Variants in FOXP2 observed in about 807,000 individuals in gnomAD.
FOXP2 encodes the protein forkhead box P2, also known as forkhead box protein P2.
In FOXP2, 12 loss-of-function variants were observed where a neutral mutation model predicts 115.8. That is an observed-to-expected ratio of 0.10 (90% CI 0.07 to 0.17). The LOEUF (loss-of-function observed/expected upper bound fraction) is 0.17. Among genes scored for constraint, FOXP2 ranks in the 10% least tolerant of loss-of-function variants. The probability of loss-of-function intolerance (pLI) is 1.00; values close to 1 mark genes in which losing one functional copy is unlikely to be tolerated. For synonymous variants in FOXP2, 328 were observed against 297.7 expected (o/e 1.10, Z -1.05); for missense variants, 629 against 843.5 (o/e 0.75, Z 3.15).
intron 2 of FOXP2, among the ~76,000 whole-genome samples, chr7:114,458,470 A>G (rs1257570609): frequency 1.3e-5 from 2 of 151,348 alleles, no homozygotes; most frequent in East Asian, 1.9e-4. Flanking sequence ...TTAAGAGCCA[A>G]TTATTGTAGT....
chr7:114,239,866 A>G (rs1795108221), intron 1 of FOXP2, among the ~76,000 whole-genome samples: 1 of 152,192 alleles, frequency 6.6e-6, no homozygotes, highest in Admixed American at 6.5e-5. Context: ...ACACACACAC[A>G]CAAATGTATT....
At chr7:114,505,691 A>G (rs1797778598) in intron 2 of FOXP2, among the ~76,000 whole-genome samples, 1 of 151,552 alleles carries the variant, frequency 6.6e-6, no homozygotes, top group Non-Finnish European at 1.5e-5. Context: ...CCATTTTTAA[A>G]ACCACGTCAT....
intron 3 of FOXP2, among the ~76,000 whole-genome samples, chr7:114,606,976 T>C (rs1363164303): frequency 6.6e-6 from 1 of 152,218 alleles, no homozygotes; most frequent in Non-Finnish European, 1.5e-5. Context: ...TTAGCATTAC[T>C]AGTGACACTT....
At chr7:114,387,889 C>A (rs1437033547) in intron 2 of FOXP2, among the ~76,000 whole-genome samples, 1 of 152,042 alleles carries the variant, frequency 6.6e-6, no homozygotes, top group Non-Finnish European at 1.5e-5. Context: ...CCTATCAGAA[C>A]AATAAAAGAT....
chr7:114,336,085 C>T (rs959663298), intron 2 of FOXP2, among the ~76,000 whole-genome samples: 12 of 151,644 alleles, frequency 7.9e-5, no homozygotes, highest in African/African-American at 2.2e-4. Context: ...TGATGCCCCT[C>T]TAGTGATGTT....
chr7:114,299,394 T>C (rs1190601746), intron 2 of FOXP2, among the ~76,000 whole-genome samples: 1 of 152,018 alleles, frequency 6.6e-6, no homozygotes, highest in Non-Finnish European at 1.5e-5. Flanking sequence ...ATATACTTCA[T>C]GGGAAACTGA....
chr7:114,650,195 A>G (rs1417131335), intron 8 of FOXP2, among the ~76,000 whole-genome samples: 1 of 152,104 alleles, frequency 6.6e-6, no homozygotes, highest in African/African-American at 2.4e-5. Flanking sequence ...CTTTAAATAT[A>G]AGATCATGAT....
At chr7:114,622,897 T>C (rs1025363636) in intron 3 of FOXP2, among the ~76,000 whole-genome samples, 4 of 151,902 alleles carry the variant, frequency 2.6e-5, no homozygotes, top group African/African-American at 9.7e-5. Flanking sequence ...CTGAGAAAGA[T>C]CTTAATTCTA....
intron 1 of FOXP2, among the ~76,000 whole-genome samples, chr7:114,257,220 G>T (rs896991794): frequency 1.3e-5 from 2 of 152,118 alleles, no homozygotes; most frequent in Non-Finnish European, 2.9e-5. Context: ...AATAAATGGT[G>T]CTGGGAGAAC....
At chr7:114,661,923 A>G (rs988929448) in intron 13 of FOXP2, 142 bp from the exon 14 acceptor site, 18 of 1,045,450 alleles carry the variant, frequency 1.7e-5, no homozygotes, top group Non-Finnish European at 2.5e-5. Flanking sequence ...GGTTTGTAAT[A>G]TCATGCCATA....
chr7:114,247,220 G>C (rs894909822), intron 1 of FOXP2, among the ~76,000 whole-genome samples: 4 of 151,998 alleles, frequency 2.6e-5, no homozygotes, highest in African/African-American at 9.7e-5. Flanking sequence ...CTTATTATAC[G>C]TTCTTTATCT....
intron 2 of FOXP2, among the ~76,000 whole-genome samples, chr7:114,476,663 G>A (rs1244443456): frequency 6.6e-6 from 1 of 151,858 alleles, no homozygotes; most frequent in Non-Finnish European, 1.5e-5. Flanking sequence ...CAAGAATGAT[G>A]TTGGTAATTG....
chr7:114,303,253 T>C (rs142894610), intron 2 of FOXP2, among the ~76,000 whole-genome samples: 26 of 152,358 alleles, frequency 1.7e-4, no homozygotes, highest in African/African-American at 6.0e-4. Flanking sequence ...AAAATTGAGC[T>C]GTTTGGAATT....
intron 3 of FOXP2, among the ~76,000 whole-genome samples, chr7:114,542,348 T>A (rs1209958971): frequency 2.0e-5 from 3 of 152,192 alleles, no homozygotes; most frequent in African/African-American, 7.2e-5. Flanking sequence ...ACCGTGCCCA[T>A]TCTTACAATC....
chr7:114,605,131 G>A lies in FOXP2; in HGVS notation c.259-23409G>A, dbSNP rs1803242192. 2.0e-5 allele frequency among the ~76,000 whole-genome samples: 3 copies of A among 152,148 alleles called. 1 individual carries two copies. The South Asian group carries it at 6.2e-4, about 32-fold the overall frequency. On this transcript the variant is annotated intron_variant, in intron 3 of 16. Transcript: ENST00000350908. The stretch of plus-strand genomic sequence containing the variant: ...TGTCAAGAACTCAGAGTCAAATTAA[G>A]TGTAATTACAATGCAGGATGGAAGT...
At chr7:114,299,326 T>C (rs2129178026) in intron 2 of FOXP2, among the ~76,000 whole-genome samples, 1 of 152,148 alleles carries the variant, frequency 6.6e-6, no homozygotes, top group South Asian at 2.1e-4. Context: ...TTCTTCTCTT[T>C]TTTCTTTGCT....
intron 2 of FOXP2, among the ~76,000 whole-genome samples, chr7:114,357,024 C>G (rs975456190): frequency 7.2e-5 from 11 of 152,120 alleles, no homozygotes; most frequent in African/African-American, 2.7e-4. Context: ...TTGATCACAG[C>G]TTTTAGAATT....
chr7:114,173,300 T>C (rs1053901221), intron 1 of FOXP2, among the ~76,000 whole-genome samples: 1 of 151,912 alleles, frequency 6.6e-6, no homozygotes, highest in Non-Finnish European at 1.5e-5. Flanking sequence ...AAATACACTT[T>C]CAGTTTTAAA....
chr7:114,193,689 A>C (rs1373404453), intron 1 of FOXP2, among the ~76,000 whole-genome samples: 1 of 152,074 alleles, frequency 6.6e-6, no homozygotes, highest in Non-Finnish European at 1.5e-5. Flanking sequence ...ATGTCCCATC[A>C]AATTTTTGAC....
Sources: allele counts gnomAD v4.1 joint callset (sites outside exome capture counted in the v4.1 genomes callset), GRCh38; gene constraint gnomAD v4.1.1; transcripts MANE v1.5; gene names NCBI Gene and HGNC (gene_info 2026-07-23, HGNC 2026-07-21).